Variants in IL1RAPL2 observed in about 807,000 individuals in gnomAD.
IL1RAPL2 encodes the protein X-linked interleukin-1 receptor accessory protein-like 2.
IL1RAPL2 carries 3 observed loss-of-function variants against 44.1 expected under a neutral mutation model. The observed-to-expected ratio is 0.07, with a 90% CI of 0.03 to 0.18. The LOEUF (loss-of-function observed/expected upper bound fraction) is 0.18. Among genes scored for constraint, IL1RAPL2 ranks in the 10% least tolerant of loss-of-function variants. The pLI is 1.00. For synonymous variants in IL1RAPL2, 181 were observed against 178.8 expected, an observed-to-expected ratio of 1.01 and a Z score of -0.10; for missense variants, 391 against 496.4, an observed-to-expected ratio of 0.79 and a Z score of 2.02.
intron 2 of IL1RAPL2, among the ~76,000 whole-genome samples, chrX:105,040,130 T>G (rs372890722): frequency 9.0e-6 from 1 of 111,476 alleles, no homozygotes; most frequent in African/African-American, 3.3e-5. Context: ...CTGCATCTAT[T>G]GAGATAATCA....
At chrX:104,781,439 C>A (rs1164672605) in intron 2 of IL1RAPL2, among the ~76,000 whole-genome samples, 1 of 111,565 alleles carries the variant, frequency 9.0e-6, no homozygotes, top group African/African-American at 3.3e-5. Context: ...CTTGGAGACC[C>A]CAAAATATAG....
chrX:104,592,944 C>T (rs1928697719), intron 1 of IL1RAPL2, among the ~76,000 whole-genome samples: 1 of 111,732 alleles, frequency 8.9e-6, no homozygotes, highest in Admixed American at 9.6e-5. Context: ...TACTGTAACA[C>T]TCAGACAAAT....
intron 1 of IL1RAPL2, among the ~76,000 whole-genome samples, chrX:104,628,758 G>A (rs1929570806): frequency 9.0e-6 from 1 of 111,626 alleles, no homozygotes; most frequent in Non-Finnish European, 1.9e-5. Flanking sequence ...TCCCACCAAG[G>A]GTATAAGAGT....
At chrX:104,978,695 A>G (rs1213981978) in intron 2 of IL1RAPL2, among the ~76,000 whole-genome samples, 2 of 112,433 alleles carry the variant, frequency 1.8e-5, no homozygotes, top group Non-Finnish European at 3.8e-5. Flanking sequence ...AATTATTATA[A>G]TTGTATAAGT....
intron 2 of IL1RAPL2, among the ~76,000 whole-genome samples, chrX:104,884,401 T>C (rs1271405276): frequency 8.9e-6 from 1 of 111,875 alleles, no homozygotes; most frequent in Non-Finnish European, 1.9e-5. Context: ...ACTATTCTGA[T>C]CAGCAGGGTC....
intron 2 of IL1RAPL2, among the ~76,000 whole-genome samples, chrX:104,961,071 A>G (rs988493498): frequency 9.0e-6 from 1 of 110,556 alleles, no homozygotes; most frequent in Non-Finnish European, 1.9e-5. Flanking sequence ...GTAACAGATT[A>G]AAAAAAAAGA....
intron 4 of IL1RAPL2, among the ~76,000 whole-genome samples, chrX:105,259,561 A>G (rs1393637301): frequency 9.0e-6 from 1 of 111,349 alleles, no homozygotes; most frequent in Non-Finnish European, 1.9e-5. Context: ...GCTTAGTGCA[A>G]TCAGCCCAGG....
intron 3 of IL1RAPL2, among the ~76,000 whole-genome samples, chrX:105,198,141 T>A (rs1449450140): frequency 8.9e-6 from 1 of 111,976 alleles, no homozygotes; most frequent in African/African-American, 3.2e-5. Flanking sequence ...CTTTATCCAG[T>A]CTACCGTTGA....
intron 2 of IL1RAPL2, among the ~76,000 whole-genome samples, chrX:104,829,172 G>C (rs1390403354): frequency 9.0e-6 from 1 of 111,216 alleles, no homozygotes; most frequent in African/African-American, 3.3e-5. Flanking sequence ...GTGCAACTGG[G>C]GTATGAAAAA....
At chrX:104,983,892 G>T (rs2030512619) in intron 2 of IL1RAPL2, among the ~76,000 whole-genome samples, 1 of 108,966 alleles carries the variant, frequency 9.2e-6, no homozygotes, top group Admixed American at 1.0e-4. Flanking sequence ...GGAACCTCTG[G>T]CCTTTTTACA....
chrX:105,222,079 C>G (rs2147628162), intron 3 of IL1RAPL2, among the ~76,000 whole-genome samples: 1 of 111,654 alleles, frequency 9.0e-6, no homozygotes, highest in African/African-American at 3.3e-5. Context: ...TTGTGGCACA[C>G]TCCTTGTCCT....
At chrX:105,081,637 A>C (rs955400273) in intron 2 of IL1RAPL2, among the ~76,000 whole-genome samples, 2 of 111,792 alleles carry the variant, frequency 1.8e-5, no homozygotes, top group African/African-American at 6.5e-5. Context: ...TATTATTTTG[A>C]GATACATTCC....
At chrX:105,481,318 T>G (rs981426257) in intron 5 of IL1RAPL2, among the ~76,000 whole-genome samples, 2 of 112,609 alleles carry the variant, frequency 1.8e-5, no homozygotes, top group African/African-American at 6.5e-5. Context: ...TGTAACTGTC[T>G]TCTTTACCTT....
At chrX:105,264,221 C>A (rs1261062923) in intron 4 of IL1RAPL2, among the ~76,000 whole-genome samples, 1 of 110,743 alleles carries the variant, frequency 9.0e-6, no homozygotes, top group Non-Finnish European at 1.9e-5. Context: ...GGGGCTTCTC[C>A]TTTTGCTGGG....
chrX:104,611,506 C>T (rs1929158293), intron 1 of IL1RAPL2, among the ~76,000 whole-genome samples: 1 of 110,978 alleles, frequency 9.0e-6, no homozygotes, highest in African/African-American at 3.3e-5. Flanking sequence ...TCTCCAAGCT[C>T]CAGCATCCCA....
At chrX:105,700,417 A>G (rs2038110466) in intron 6 of IL1RAPL2, among the ~76,000 whole-genome samples, 1 of 111,934 alleles carries the variant, frequency 8.9e-6, no homozygotes, top group African/African-American at 3.2e-5. Context: ...TGTAAAAACA[A>G]TTTCCCTAAA....
At chrX:105,601,975 G>A (rs986595045) in intron 6 of IL1RAPL2, among the ~76,000 whole-genome samples, 2 of 111,073 alleles carry the variant, frequency 1.8e-5, no homozygotes, top group African/African-American at 3.3e-5. Context: ...GAGCCCATGT[G>A]TGCACTCCCT....
intron 2 of IL1RAPL2, among the ~76,000 whole-genome samples, chrX:104,951,375 TAGTC>T (rs777575446): frequency 8.9e-6 from 1 of 112,224 alleles, no homozygotes; most frequent in Admixed American, 9.4e-5. Flanking sequence ...CTAAACCTAA[TAGTC>T]AGGAAATGTA....
At chrX:105,188,195 G>T (rs1198451439) in intron 2 of IL1RAPL2, among the ~76,000 whole-genome samples, 1 of 110,884 alleles carries the variant, frequency 9.0e-6, no homozygotes, top group Non-Finnish European at 1.9e-5. Flanking sequence ...ATTCAGGGAT[G>T]ACTCCACACT....
Sources: gnomAD v4.1 joint callset for allele counts (sites outside exome capture counted in the v4.1 genomes callset) on GRCh38, gnomAD v4.1.1 for gene constraint, MANE v1.5 for transcripts, NCBI Gene and HGNC (gene_info 2026-07-23, HGNC 2026-07-21) for gene names.